The following ENOSF1 variants were observed in gnomAD, a reference collection of about 807,000 sequenced individuals.
ENOSF1 encodes enolase superfamily member 1, also known as mitochondrial enolase superfamily member 1.
Under a neutral mutation model 68.2 loss-of-function variants are expected in ENOSF1, and 73 were observed. The observed-to-expected ratio is 1.07, with a 90% CI of 0.89 to 1.30. The LOEUF (loss-of-function observed/expected upper bound fraction) is 1.30, where lower values mean the gene tolerates loss of function less well. Ranked by LOEUF, ENOSF1 falls within the 50% of genes most tolerant of loss-of-function variation. The pLI is 0.00. For synonymous variants in ENOSF1, 223 were observed against 210.4 expected (o/e 1.06, Z -0.52); for missense variants, 589 against 554.5 (o/e 1.06, Z -0.62).
intron 2 of ENOSF1, among the ~76,000 whole-genome samples, chr18:704,001 T>C (rs994843703): frequency 1.3e-5 from 2 of 152,146 alleles, no homozygotes; most frequent in Admixed American, 6.6e-5. Flanking sequence ...CCTTCTACCA[T>C]GATTGTAAGT....
rs1171938705 is a variant in ENOSF1 at position 671,497 on chromosome 18, TA to T, written c.*2807del. ...TTTTGGGTTTGGTACCTTCTCTTGA[TA>T]AAAGGTTGACTGTGGAACAGGCATC... On this transcript the variant is annotated 3_prime_UTR_variant, in exon 16 of 16. Coordinates refer to ENST00000647584, the MANE Select transcript of ENOSF1 (RefSeq NM_017512.7). 7 of 1,247,818 alleles carry T rather than the reference TA, an allele frequency of 5.6e-6. No homozygotes were observed. Among genetic ancestry groups the T allele is most frequent in the Admixed American group, 1.7e-5 (1 of 58,892 alleles). The allele number at this position is 1,247,818 out of a possible 1,614,324, so 77.3% of individuals were successfully genotyped here.
At chr18:704,820 G>A (rs1174543311) in intron 2 of ENOSF1, among the ~76,000 whole-genome samples, 1 of 152,062 alleles carries the variant, frequency 6.6e-6, no homozygotes, top group African/African-American at 2.4e-5. Flanking sequence ...TGACCAGGCT[G>A]GTCTTGAACT....
At chr18:708,406 C>A (rs2079164118) in intron 1 of ENOSF1, among the ~76,000 whole-genome samples, 1 of 151,816 alleles carries the variant, frequency 6.6e-6, no homozygotes, top group African/African-American at 2.4e-5. Context: ...CATGCTGGCT[C>A]ATACCTGTAA....
chr18:684,783 A>T (rs2076459308), intron 10 of ENOSF1, among the ~76,000 whole-genome samples: 1 of 152,046 alleles, frequency 6.6e-6, no homozygotes, highest in African/African-American at 2.4e-5. Flanking sequence ...GGAGAAATGG[A>T]CATCTCTACA....
intron 9 of ENOSF1, chr18:687,925 G>A (rs1319076308): frequency 6.6e-6 from 1 of 152,486 alleles, no homozygotes; most frequent in African/African-American, 2.4e-5. Context: ...CCAGCACTTT[G>A]GGAGGCTGAG....
chr18:671,323 G>T lies in ENOSF1; in HGVS notation c.*2982C>A. 1 of 1,111,962 alleles carries T rather than the reference G, an allele frequency of 9.0e-7. No individual in the cohort carries two copies. Among genetic ancestry groups the T allele is most frequent in the Non-Finnish European group, 1.4e-6 (1 of 723,616 alleles). 68.9% of individuals were successfully genotyped at this position (1,111,962 alleles called of 1,614,324 possible). On this transcript the variant is annotated 3_prime_UTR_variant, in exon 16 of 16. Coordinates refer to ENST00000647584, the MANE Select transcript of ENOSF1 (RefSeq NM_017512.7). Reference sequence around the variant, plus strand: ...TCTGCATATTCTAATGTTTTTAAATGATGTTTTAAAGAATTGAAACTAACA... The same window carrying T: ...TCTGCATATTCTAATGTTTTTAAATTATGTTTTAAAGAATTGAAACTAACA...
chr18:678,645 C>A (rs765759613), intron 12 of ENOSF1, 51 bp downstream of exon 12: 4 of 1,565,594 alleles, frequency 2.6e-6, no homozygotes, highest in Non-Finnish European at 3.5e-6. Flanking sequence ...CACTGGTCAG[C>A]GTGTACTGAC....
intron 1 of ENOSF1, among the ~76,000 whole-genome samples, chr18:711,017 G>GA (rs898760979): frequency 1.4e-4 from 21 of 152,062 alleles, no homozygotes; most frequent in African/African-American, 5.1e-4. Flanking sequence ...AAAAAATACA[G>GA]AAAGTAGCTG....
At chr18:691,010 G>T in intron 7 of ENOSF1, 58 bp downstream of exon 7, 2 of 1,566,322 alleles carry the variant, frequency 1.3e-6, no homozygotes, top group South Asian at 2.2e-5. Context: ...AAGGACAGGG[G>T]CACTCAAAAG....
rs2075673637 is a variant in ENOSF1 at position 677,866 on chromosome 18, T to C, written c.925A>G (p.Asn309Asp). ...IGIATGEQCH[N>D]RVIFKQLLQA... ...AGGAGTTGCTTAAATATCACTCTAT[T>C]GTGGCACTGGAAATAGAATTGAAAA... The change falls in exon 13 of 16, where the codon AAT (asparagine) becomes GAT (aspartate). Residue 309 changes from asparagine (N) to aspartate (D), a missense_variant. Asn to Asp is a conservative substitution (Grantham distance 23, BLOSUM62 1). Transcript: ENST00000647584. 1 of 1,612,384 alleles carries C rather than the reference T, an allele frequency of 6.2e-7. No homozygotes were observed.
At chr18:667,052 GAGA>G, downstream of ENOSF1, among the ~76,000 whole-genome samples, 6 of 37,922 alleles carry the variant, frequency 1.6e-4, no homozygotes, top group Admixed American at 2.5e-4. Flanking sequence ...GATGGTGATG[GAGA>G]TGGAGATGGT....
chr18:690,345 G>C (rs887143383), intron 8 of ENOSF1, among the ~76,000 whole-genome samples: 1 of 152,184 alleles, frequency 6.6e-6, no homozygotes, highest in Non-Finnish European at 1.5e-5. Flanking sequence ...CTAGTTCCAG[G>C]TATGTGCTGT....
intron 4 of ENOSF1, 113 bp from the exon 5 acceptor site, chr18:694,021 AC>A: frequency 4.2e-6 from 5 of 1,199,182 alleles, no homozygotes; most frequent in Admixed American, 2.1e-5. Flanking sequence ...AGGTCCCCAC[AC>A]CCCCCTCTAC....
intron 14 of ENOSF1, 47 bp downstream of exon 14, chr18:677,298 T>G: frequency 6.7e-7 from 1 of 1,498,328 alleles, no homozygotes; most frequent in Non-Finnish European, 9.3e-7. Context: ...CTGGCCTGGA[T>G]TGAGGGACCC....
chr18:692,989 G>T, intron 5 of ENOSF1: 1 of 1,177,422 alleles, frequency 8.5e-7, no homozygotes, highest in Non-Finnish European at 1.1e-6. Context: ...GGATCACGAG[G>T]TTTTTAACCG....
At position 704,377 on chromosome 18, in the gene ENOSF1, G is replaced by A. The variant is rs559977551; in HGVS notation, c.193+2093C>T. Among the ~76,000 whole-genome samples the A allele has an allele frequency of 5.4e-4, 77 of 142,012 alleles. No homozygotes were observed. In the South Asian group the frequency reaches 7.2e-3, roughly 13 times the overall value. The allele number at this position is 142,012 out of a possible 152,430, so 93.2% of individuals were successfully genotyped here. On this transcript the variant is annotated intron_variant, in intron 2 of 15. Coordinates refer to ENST00000647584, the MANE Select transcript of ENOSF1 (RefSeq NM_017512.7). The stretch of plus-strand genomic sequence containing the variant: ...CCGGGAGGTGGAGGTTGTAGTGAGC[G>A]AGATTGCGCCACTGCACTCCAGGCT...
At chr18:691,683 G>A (rs1300066246) in intron 5 of ENOSF1, 1 of 174,180 alleles carries the variant, frequency 5.7e-6, no homozygotes, top group East Asian at 1.7e-4. Flanking sequence ...ATTCTTTCCT[G>A]GCAGGGACCT....
Position 673,599 on chromosome 18 carries a change from G to C in ENOSF1, c.*706C>G, listed in dbSNP as rs1046900992. On this transcript the variant is annotated 3_prime_UTR_variant, in exon 16 of 16. Coordinates refer to ENST00000647584, the MANE Select transcript of ENOSF1 (RefSeq NM_017512.7). Reference sequence around the variant, plus strand: ...GTAAACATGTGCTGTATTCTGGTTTGGATGCTACTTAAAAGAGTATATTTT... The same window carrying C: ...GTAAACATGTGCTGTATTCTGGTTTCGATGCTACTTAAAAGAGTATATTTT... 5.6e-6 allele frequency: 1 copy of C among 178,936 alleles called. No individual in the cohort carries two copies. The highest frequency in any genetic ancestry group is 2.4e-5 in the African/African-American group (1 of 42,250). The allele number at this position is 178,936 out of a possible 1,614,324, so 11.1% of individuals were successfully genotyped here. A position where few individuals can be genotyped will look rare whatever the true frequency, so the allele number is the denominator to read the frequency against.
intron 5 of ENOSF1, chr18:692,596 T>TA (rs201965262): frequency 0.13 from 67,804 of 503,762 alleles, 812 homozygotes; most frequent in Admixed American, 0.22. Context: ...AAACTCCGTC[T>TA]AAAAAAAAAA....
Sources: gnomAD v4.1 joint callset for allele counts (sites outside exome capture counted in the v4.1 genomes callset) on GRCh38, gnomAD v4.1.1 for gene constraint, MANE v1.5 for transcripts, NCBI Gene and HGNC (gene_info 2026-07-23, HGNC 2026-07-21) for gene names.